The following ZNF804B variants were observed in gnomAD, a reference collection of about 807,000 sequenced individuals.
ZNF804B encodes zinc finger 804B.
A neutral mutation model predicts 101.4 loss-of-function variants in ZNF804B; 80 were observed. That is an observed-to-expected ratio of 0.79 (90% confidence interval 0.66 to 0.95). The LOEUF (loss-of-function observed/expected upper bound fraction) is 0.95. Ranked by LOEUF, ZNF804B falls within the 40% of genes least tolerant of loss-of-function variation. The pLI is 0.00. For synonymous variants in ZNF804B, 622 were observed against 558.8 expected (o/e 1.11, Z -1.59); for missense variants, 1,673 against 1,561.9 (o/e 1.07, Z -1.20).
chr7:88,866,472 T>A (rs1277517515), intron 1 of ZNF804B, among the ~76,000 whole-genome samples: 1 of 152,220 alleles, frequency 6.6e-6, no homozygotes, highest in Non-Finnish European at 1.5e-5. Context: ...ATATGAGTAG[T>A]GTATCTTCCC....
chr7:89,303,243 T>C (rs1373442123), intron 2 of ZNF804B, among the ~76,000 whole-genome samples: 1 of 151,958 alleles, frequency 6.6e-6, no homozygotes, highest in Non-Finnish European at 1.5e-5. Flanking sequence ...CATGAAGACA[T>C]TCTAAATTTC....
At chr7:89,048,696 T>C (rs1301745086) in intron 1 of ZNF804B, among the ~76,000 whole-genome samples, 1 of 151,902 alleles carries the variant, frequency 6.6e-6, no homozygotes, top group Non-Finnish European at 1.5e-5. Flanking sequence ...ATGTAAAGAT[T>C]ATAGAGACTG....
rs377099313 is a variant in ZNF804B, at chr7:88,913,260, A to G, written c.108+153176A>G. ...TTATTGAAATAGTTAAGCATATTAT[A>G]TATCTTTTTATGGAGAAATCAGATG... On this transcript the variant is annotated intron_variant, in intron 1 of 3. Coordinates refer to ENST00000333190, the MANE Select transcript of ZNF804B (RefSeq NM_181646.5). 3.7e-4 allele frequency among the ~76,000 whole-genome samples: 56 copies of G among 152,342 alleles called. No homozygotes were observed. In the East Asian group the frequency reaches 5.8e-3, roughly 16 times the overall value.
chr7:89,247,577 A>G (rs1287921461), intron 2 of ZNF804B, among the ~76,000 whole-genome samples: 1 of 152,154 alleles, frequency 6.6e-6, no homozygotes, highest in Non-Finnish European at 1.5e-5. Context: ...AAATAATAAT[A>G]ATATTACAGA....
At chr7:88,833,137 T>G (rs979017798) in intron 1 of ZNF804B, among the ~76,000 whole-genome samples, 1 of 150,600 alleles carries the variant, frequency 6.6e-6, no homozygotes, top group African/African-American at 2.4e-5. Context: ...TTTCAATATT[T>G]CCTTTCTGCT....
chr7:89,077,192 A>G (rs1318667190), intron 1 of ZNF804B, among the ~76,000 whole-genome samples: 2 of 152,134 alleles, frequency 1.3e-5, no homozygotes, highest in African/African-American at 4.8e-5. Flanking sequence ...CAGGAAAAGC[A>G]GGTTCTTGGG....
At chr7:89,095,535 G>A (rs998148391) in intron 1 of ZNF804B, among the ~76,000 whole-genome samples, 2 of 152,134 alleles carry the variant, frequency 1.3e-5, no homozygotes, top group Non-Finnish European at 1.5e-5. Flanking sequence ...TAGTGATTAT[G>A]TAGTCATGCA....
chr7:88,814,270 A>G (rs997108798), intron 1 of ZNF804B, among the ~76,000 whole-genome samples: 2 of 152,176 alleles, frequency 1.3e-5, no homozygotes, highest in African/African-American at 2.4e-5. Flanking sequence ...ACATCTGGCT[A>G]TTATTTAACC....
chr7:88,962,492 A>G (rs1793399405), intron 1 of ZNF804B, among the ~76,000 whole-genome samples: 1 of 150,870 alleles, frequency 6.6e-6, no homozygotes, highest in African/African-American at 2.4e-5. Flanking sequence ...CACAGAAAGA[A>G]GAGTTCCTAA....
chr7:88,842,873 T>G (rs1037549615), intron 1 of ZNF804B, among the ~76,000 whole-genome samples: 1 of 152,228 alleles, frequency 6.6e-6, no homozygotes, highest in Non-Finnish European at 1.5e-5. Context: ...ATTTGGGCAT[T>G]TTATAATTTT....
intron 1 of ZNF804B, among the ~76,000 whole-genome samples, chr7:88,824,161 T>C (rs1437624761): frequency 6.6e-6 from 1 of 152,206 alleles, no homozygotes; most frequent in Non-Finnish European, 1.5e-5. Context: ...ATGGGAGTGC[T>C]AAGCATTTGG....
chr7:88,865,673 T>C (rs1425681567), intron 1 of ZNF804B, among the ~76,000 whole-genome samples: 6 of 152,228 alleles, frequency 3.9e-5, no homozygotes, highest in Non-Finnish European at 8.8e-5. Flanking sequence ...CATGTGTCTA[T>C]GCCTCACCCT....
intron 1 of ZNF804B, among the ~76,000 whole-genome samples, chr7:88,834,665 C>A (rs999198496): frequency 4.0e-5 from 6 of 149,180 alleles, no homozygotes; most frequent in African/African-American, 1.5e-4. Flanking sequence ...ATATATTTTA[C>A]TATATATATA....
chr7:89,144,825 C>T (rs1009208561), intron 1 of ZNF804B, among the ~76,000 whole-genome samples: 13 of 151,704 alleles, frequency 8.6e-5, no homozygotes, highest in African/African-American at 3.1e-4. Context: ...TTATTATTTG[C>T]CAATTAAAAA....
At chr7:89,089,047 C>CTTTT (rs71297109) in intron 1 of ZNF804B, among the ~76,000 whole-genome samples, 1 of 145,966 alleles carries the variant, frequency 6.9e-6, no homozygotes, top group African/African-American at 2.6e-5. Flanking sequence ...CCTTTTTTTC[C>CTTTT]TTTTTTTTTC....
intron 1 of ZNF804B, among the ~76,000 whole-genome samples, chr7:88,965,729 T>C (rs1298703859): frequency 6.6e-6 from 1 of 151,546 alleles, no homozygotes; most frequent in Non-Finnish European, 1.5e-5. Flanking sequence ...TATCTTTTTC[T>C]TATTGCAGTG....
intron 1 of ZNF804B, among the ~76,000 whole-genome samples, chr7:89,079,823 A>G (rs1024218511): frequency 6.6e-6 from 1 of 151,946 alleles, no homozygotes; most frequent in Non-Finnish European, 1.5e-5. Context: ...ATAGATGTCC[A>G]ACAACTCTGA....
chr7:89,097,366 A>T lies in ZNF804B; in HGVS notation c.109-120789A>T, dbSNP rs565373942. ...TGTTGGATGAAGGCATTGAAATAAA[A>T]TTTTTGAGTCTGCAAATTAAGCTGG... On this transcript the variant is annotated intron_variant, in intron 1 of 3. Coordinates refer to ENST00000333190, the MANE Select transcript of ZNF804B (RefSeq NM_181646.5). Among the ~76,000 whole-genome samples the T allele has an allele frequency of 2.6e-5, 4 of 152,344 alleles. No homozygotes were observed. In the East Asian group the frequency reaches 7.7e-4, roughly 29 times the overall value.
At chr7:89,001,598 C>T (rs957855986) in intron 1 of ZNF804B, among the ~76,000 whole-genome samples, 2 of 151,902 alleles carry the variant, frequency 1.3e-5, no homozygotes, top group African/African-American at 4.8e-5. Flanking sequence ...CAAGGCTAAA[C>T]TGACACAGAG....
Sources: gnomAD v4.1 joint callset for allele counts (sites outside exome capture counted in the v4.1 genomes callset) on GRCh38, gnomAD v4.1.1 for gene constraint, MANE v1.5 for transcripts, NCBI Gene and HGNC (gene_info 2026-07-23, HGNC 2026-07-21) for gene names.